Variants in OR56A1 observed in about 807,000 individuals in gnomAD.
OR56A1 encodes olfactory receptor 56A1.
For missense variants in OR56A1, 360 were observed against 380.9 expected, an observed-to-expected ratio of 0.94 and a Z score of 0.46; for synonymous variants, 174 against 159.1, an observed-to-expected ratio of 1.09 and a Z score of -0.70.
chr11:6,033,970 A>G (rs1301278993), upstream of OR56A1, among the ~76,000 whole-genome samples: 1 of 152,086 alleles, frequency 6.6e-6, no homozygotes, highest in East Asian at 1.9e-4. Context: ...CTCTATCTCT[A>G]TACCCTTTAT....
At position 6,022,558 on chromosome 11, in the gene OR56A1, T is replaced by A. The variant is rs969022212; in HGVS notation, c.*4190A>T. ...AAAAACTTAGGAAACTACAAAGCTA[T>A]CCAGTGAAAGATTAAAAATATACCT... On this transcript the variant is annotated 3_prime_UTR_variant, in exon 2 of 2. Transcript: ENST00000641900. The A allele has an allele frequency of 6.6e-6, 1 of 152,122 alleles. No homozygotes were observed. Among genetic ancestry groups the A allele is most frequent in the Non-Finnish European group, 1.5e-5 (1 of 68,014 alleles). 9.4% of individuals were successfully genotyped at this position (152,122 alleles called of 1,614,324 possible).
upstream of OR56A1, among the ~76,000 whole-genome samples, chr11:6,033,157 A>G (rs918937609): frequency 6.6e-6 from 1 of 152,074 alleles, no homozygotes; most frequent in Admixed American, 6.6e-5. Flanking sequence ...AGCCCAGGAC[A>G]CTTGCCTCCA....
At position 6,019,832 on chromosome 11, in the gene OR56A1, G is replaced by A. The variant is rs1848376949; in HGVS notation, c.*6916C>T. ...TTTTTCTCAAAAGCATTTAGGCACAGTATTCAATTCGTCAGTCACTCTGTG... is the reference window on the plus strand; with the variant it reads ...TTTTTCTCAAAAGCATTTAGGCACAATATTCAATTCGTCAGTCACTCTGTG... On this transcript the variant is annotated 3_prime_UTR_variant, in exon 2 of 2. Coordinates refer to ENST00000641900, the MANE Select transcript of OR56A1 (RefSeq NM_001388488.1). The A allele has an allele frequency of 6.6e-6, 1 of 152,114 alleles. No individual in the cohort carries two copies. Among genetic ancestry groups the A allele is most frequent in the African/African-American group, 2.4e-5 (1 of 41,438 alleles). 9.4% of individuals were successfully genotyped at this position (152,114 alleles called of 1,614,324 possible).
In OR56A1 at chr11:6,024,127, T is replaced by G. The variant is rs1189306361; in HGVS notation, c.*2621A>C. 6.6e-6 allele frequency: 1 copy of G among 152,196 alleles called. No homozygotes were observed. The highest frequency in any genetic ancestry group is 1.5e-5 in the Non-Finnish European group (1 of 68,022). 9.4% of individuals were successfully genotyped at this position (152,196 alleles called of 1,614,324 possible). A position where few individuals can be genotyped will look rare whatever the true frequency, so the allele number is the denominator to read the frequency against. On this transcript the variant is annotated 3_prime_UTR_variant, in exon 2 of 2. Coordinates refer to ENST00000641900, the MANE Select transcript of OR56A1 (RefSeq NM_001388488.1). ...CTACTGGGGAACTAGAGATTAAAGA[T>G]AGACATGATTTTTCAACTCTTCTTT...
chr11:6,033,891 A>C (rs1199114822), upstream of OR56A1, among the ~76,000 whole-genome samples: 1 of 152,186 alleles, frequency 6.6e-6, no homozygotes, highest in East Asian at 1.9e-4. Flanking sequence ...CAGCTTCTTC[A>C]TCAATACTTT....
chr11:6,031,258 G>T (rs1481718058), upstream of OR56A1, among the ~76,000 whole-genome samples: 1 of 152,104 alleles, frequency 6.6e-6, no homozygotes, highest in Non-Finnish European at 1.5e-5. Flanking sequence ...AGCCAAAAAT[G>T]GAGTTGATAA....
chr11:6,031,074 T>G (rs1364166651), upstream of OR56A1, among the ~76,000 whole-genome samples: 1 of 152,096 alleles, frequency 6.6e-6, no homozygotes, highest in Non-Finnish European at 1.5e-5. Flanking sequence ...CTTAGCTGAG[T>G]TTTATTTCAA....
In OR56A1 at chr11:6,026,554, T is replaced by C. The variant is rs1848449138; in HGVS notation, c.*194A>G. 1.9e-6 allele frequency: 1 copy of C among 529,330 alleles called. No individual in the cohort carries two copies. The highest frequency in any genetic ancestry group is 3.7e-5 in the Admixed American group (1 of 27,364). The allele number at this position is 529,330 out of a possible 1,614,324, so 32.8% of individuals were successfully genotyped here. A position where few individuals can be genotyped will look rare whatever the true frequency, so the allele number is the denominator to read the frequency against. ...GCCAAGGTTCAAAGCAGCCACTCAA[T>C]AAATACGAGTTTCTTCCCCTTGCCT... On this transcript the variant is annotated 3_prime_UTR_variant, in exon 2 of 2. Coordinates refer to ENST00000641900, the MANE Select transcript of OR56A1 (RefSeq NM_001388488.1).
chr11:6,027,183 A>G lies in OR56A1; in HGVS notation c.510T>C (p.His170=). The G allele has an allele frequency of 6.2e-7, 1 of 1,614,232 alleles. No homozygotes were observed. Among genetic ancestry groups the G allele is most frequent in the Non-Finnish European group, 8.5e-7 (1 of 1,180,016 alleles). The change falls in exon 2 of 2, where the codon CAT becomes CAC. Residue 170 remains histidine (H), a synonymous_variant. Transcript: ENST00000641900. ...TCTCAATGACATTTTCCCCACAGTA[A>G]TGGAGCAGGGAAGTGAGGATAGGAA... is the stretch of plus-strand genomic sequence containing the variant. ...APIPILTSLL[H]YCGENVIENC...
rs1667274622 is a variant in OR56A1 at position 6,020,767 on chromosome 11, C to T, written c.*5981G>A. 2 of 152,008 alleles carry T rather than the reference C, an allele frequency of 1.3e-5. No homozygotes were observed. Among genetic ancestry groups the T allele is most frequent in the Non-Finnish European group, 1.5e-5 (1 of 67,980 alleles). 9.4% of individuals were successfully genotyped at this position (152,008 alleles called of 1,614,324 possible). ...TCATCTGCAAACAGAGACAGTTTGA[C>T]TTCATGTCTTCTTATTTGGATGGCC... On this transcript the variant is annotated 3_prime_UTR_variant, in exon 2 of 2. Coordinates refer to ENST00000641900, the MANE Select transcript of OR56A1 (RefSeq NM_001388488.1).
In OR56A1 at chr11:6,027,304, C is replaced by T. The variant is rs1485803911; in HGVS notation, c.389G>A (p.Cys130Tyr). ...VMAYDRYVAI[C>Y]HPLRYPSIIT... ...GATGGATGGGTACCGCAGTGGGTGGCAGATGGCCACATAACGGTCATAGGC... is the reference window on the plus strand; with the variant it reads ...GATGGATGGGTACCGCAGTGGGTGGTAGATGGCCACATAACGGTCATAGGC... Residue 130 changes from cysteine (C) to tyrosine (Y), a missense_variant, in exon 2 of 2, where the codon TGC becomes TAC. Coordinates refer to ENST00000641900, the MANE Select transcript of OR56A1 (RefSeq NM_001388488.1). The T allele has an allele frequency of 6.2e-7, 1 of 1,614,060 alleles. No individual in the cohort carries two copies. The highest frequency in any genetic ancestry group is 8.5e-7 in the Non-Finnish European group (1 of 1,180,038).
rs753285627 is a variant in OR56A1 at position 6,026,880 on chromosome 11, G to T, written c.813C>A (p.Val271=). 6.2e-7 allele frequency: 1 copy of T among 1,614,140 alleles called. No homozygotes were observed. The highest frequency in any genetic ancestry group is 8.5e-7 in the Non-Finnish European group (1 of 1,179,942). Residue 271 remains valine (V), a synonymous_variant, in exon 2 of 2, where the codon GTC becomes GTA. Transcript: ENST00000641900. ...VVLTNVARKK[V]PMDILILLNV... is the part of the protein sequence containing the mutation. ...TCAGCAGGATCAGGATGTCCATGGG[G>T]ACCTTCTTTCTGGCCACGTTTGTCA...
Position 6,021,537 on chromosome 11 carries a change from A to G in OR56A1, c.*5211T>C, listed in dbSNP as rs898430070. ...GTATCAATTTTAAAATGAATAATTAAATAAAAAATTATTTAAAGTACTGAT... is the reference window on the plus strand; with the variant it reads ...GTATCAATTTTAAAATGAATAATTAGATAAAAAATTATTTAAAGTACTGAT... On this transcript the variant is annotated 3_prime_UTR_variant, in exon 2 of 2. Coordinates refer to ENST00000641900, the MANE Select transcript of OR56A1 (RefSeq NM_001388488.1). 6.6e-6 allele frequency: 1 copy of G among 152,114 alleles called. No individual in the cohort carries two copies. The highest frequency in any genetic ancestry group is 2.4e-5 in the African/African-American group (1 of 41,450). The allele number at this position is 152,114 out of a possible 1,614,324, so 9.4% of individuals were successfully genotyped here. A position where few individuals can be genotyped will look rare whatever the true frequency, so the allele number is the denominator to read the frequency against.
rs577314841 is a variant in OR56A1, at chr11:6,026,638, G to T, written c.*110C>A. 1.5e-5 allele frequency: 10 copies of T among 688,756 alleles called. No individual in the cohort carries two copies. The South Asian group carries it at 1.5e-4, about 11-fold the overall frequency. The allele number at this position is 688,756 out of a possible 1,614,324, so 42.7% of individuals were successfully genotyped here. A position where few individuals can be genotyped will look rare whatever the true frequency, so the allele number is the denominator to read the frequency against. On this transcript the variant is annotated 3_prime_UTR_variant, in exon 2 of 2. Coordinates refer to ENST00000641900, the MANE Select transcript of OR56A1 (RefSeq NM_001388488.1). ...AAGGAATCTGGTTCAGTAATGAAGGGAGCCTCAGTGCATGCAATAAACACT... is the reference window on the plus strand; with the variant it reads ...AAGGAATCTGGTTCAGTAATGAAGGTAGCCTCAGTGCATGCAATAAACACT...
rs1002149666 is a variant in OR56A1, at chr11:6,019,594, G to C, written c.*7154C>G. ...GAGGAGCTTGTGCAGGGAAACTCTAGTTTTTTTAAACCATCAGATCTTATG... is the reference window on the plus strand; with the variant it reads ...GAGGAGCTTGTGCAGGGAAACTCTACTTTTTTTAAACCATCAGATCTTATG... On this transcript the variant is annotated 3_prime_UTR_variant, in exon 2 of 2. Transcript: ENST00000641900. 1 of 151,966 alleles carries C rather than the reference G, an allele frequency of 6.6e-6. No individual in the cohort carries two copies. Among genetic ancestry groups the C allele is most frequent in the Non-Finnish European group, 1.5e-5 (1 of 67,948 alleles). 9.4% of individuals were successfully genotyped at this position (151,966 alleles called of 1,614,324 possible).
Position 6,023,279 on chromosome 11 carries a change from T to G in OR56A1, c.*3469A>C, listed in dbSNP as rs1848415300. The G allele has an allele frequency of 2.0e-5, 3 of 152,210 alleles. No individual in the cohort carries two copies. The highest frequency in any genetic ancestry group is 7.2e-5 in the African/African-American group (3 of 41,462). The allele number at this position is 152,210 out of a possible 1,614,324, so 9.4% of individuals were successfully genotyped here. A position where few individuals can be genotyped will look rare whatever the true frequency, so the allele number is the denominator to read the frequency against. ...TAAACTTTCTCTGATGTCTCAGAAC[T>G]CTCACTGCCTAGAATATACACCAAA... is the stretch of plus-strand genomic sequence containing the variant. On this transcript the variant is annotated 3_prime_UTR_variant, in exon 2 of 2. Coordinates refer to ENST00000641900, the MANE Select transcript of OR56A1 (RefSeq NM_001388488.1).
rs1848436824 is a variant in OR56A1 at position 6,025,347 on chromosome 11, G to GTC, written c.*1399_*1400dup. On this transcript the variant is annotated 3_prime_UTR_variant, in exon 2 of 2. Transcript: ENST00000641900. The stretch of plus-strand genomic sequence containing the variant: ...GGAGTCAAACCCTTCTTTGCCAGCT[G>GTC]TCTCTCTCTGAGTTTCTACCTACAG... 1 of 152,204 alleles carries GTC rather than the reference G, an allele frequency of 6.6e-6. No homozygotes were observed. Among genetic ancestry groups the GTC allele is most frequent in the Non-Finnish European group, 1.5e-5 (1 of 68,050 alleles). The allele number at this position is 152,204 out of a possible 1,614,324, so 9.4% of individuals were successfully genotyped here.
At chr11:6,030,851 T>C (rs1185044520), upstream of OR56A1, 1 of 141,606 alleles carries the variant, frequency 7.1e-6, no homozygotes, top group Non-Finnish European at 1.6e-5. Context: ...ATTTATATGA[T>C]AAGTTGCTTA....
chr11:6,031,536 A>C (rs1848512427), upstream of OR56A1, among the ~76,000 whole-genome samples: 1 of 152,172 alleles, frequency 6.6e-6, no homozygotes, highest in Non-Finnish European at 1.5e-5. Context: ...GATGGGAAGA[A>C]GGTGAATCTT....
Sources: allele counts gnomAD v4.1 joint callset (sites outside exome capture counted in the v4.1 genomes callset), GRCh38; gene constraint gnomAD v4.1.1; transcripts MANE v1.5; gene names NCBI Gene and HGNC (gene_info 2026-07-23, HGNC 2026-07-21).